The following ZNF600 variants were observed in gnomAD, a reference collection of about 807,000 sequenced individuals.
The protein encoded by ZNF600 is zinc finger protein 600, also known as zinc finger protein KR-ZNF1.
In ZNF600, 4 loss-of-function variants were observed where a neutral mutation model predicts 7.3. The ratio of observed to expected loss-of-function variants is 0.55; its 90% CI spans 0.27 to 1.25. The LOEUF is 1.25. ZNF600 is among the 50% of genes most tolerant of loss of function. The probability of loss-of-function intolerance (pLI) is 0.12; values close to 1 mark genes in which losing one functional copy is unlikely to be tolerated. For synonymous variants in ZNF600, 290 were observed against 308.9 expected, an observed-to-expected ratio of 0.94 and a Z score of 0.64; for missense variants, 911 against 922.1, an observed-to-expected ratio of 0.99 and a Z score of 0.16.
At position 52,772,266 on chromosome 19, in the gene ZNF600, C is replaced by A. The variant is rs566523974; in HGVS notation, c.190+2309G>T. Among the ~76,000 whole-genome samples, 9 of 152,124 alleles carry A rather than the reference C, an allele frequency of 5.9e-5. No individual in the cohort carries two copies. In the East Asian group the frequency reaches 1.6e-3, roughly 26 times the overall value. ...GAGGTTGCGGTGAGCTGAGATTGAA[C>A]CAATGTACTCCAGCCTGGGCAAGAA... On this transcript the variant is annotated intron_variant, in intron 3 of 3. Coordinates refer to ENST00000648973, the Ensembl canonical transcript of ZNF600.
At chr19:52,780,047 T>C (rs2062707885) in intron 1 of ZNF600, among the ~76,000 whole-genome samples, 1 of 151,994 alleles carries the variant, frequency 6.6e-6, no homozygotes, top group East Asian at 1.9e-4. Context: ...ATTGCAACCG[T>C]TTGTGCCACA....
chr19:52,807,224 G>C, the ZNF600 span, among the ~76,000 whole-genome samples: 1 of 131,936 alleles, frequency 7.6e-6, no homozygotes, highest in Admixed American at 7.8e-5. Context: ...CTTATAAAAA[G>C]AAAGGACCAT....
chr19:52,831,478 A>T, the ZNF600 span, among the ~76,000 whole-genome samples: 5 of 150,426 alleles, frequency 3.3e-5, no homozygotes, highest in South Asian at 2.1e-4. Context: ...CCTGGCTAAA[A>T]GTTTGTATTT....
At chr19:52,777,179 C>A (rs2062682828) in intron 2 of ZNF600, among the ~76,000 whole-genome samples, 1 of 151,522 alleles carries the variant, frequency 6.6e-6, no homozygotes, top group African/African-American at 2.4e-5. Flanking sequence ...AGGAGTTCGA[C>A]CAGCCTGACC....
At chr19:52,768,842 T>C (rs928525456) in intron 3 of ZNF600, among the ~76,000 whole-genome samples, 3 of 152,190 alleles carry the variant, frequency 2.0e-5, no homozygotes, top group Non-Finnish European at 2.9e-5. Context: ...ATCTAGATCA[T>C]AGACATGATT....
chr19:52,775,037 C>T (rs199773597), intron 2 of ZNF600, among the ~76,000 whole-genome samples: 68 of 152,034 alleles, frequency 4.5e-4, no homozygotes, highest in Middle Eastern at 3.4e-3. Flanking sequence ...GTCAAGAGTT[C>T]GAGACCACCC....
chr19:52,779,851 C>T (rs1439847388), intron 1 of ZNF600, among the ~76,000 whole-genome samples: 1 of 152,116 alleles, frequency 6.6e-6, no homozygotes, highest in Non-Finnish European at 1.5e-5. Context: ...CACCAGCCAG[C>T]CAACATGGTG....
At chr19:52,800,137 T>C in the ZNF600 span, 7 of 1,614,020 alleles carry the variant, frequency 4.3e-6, no homozygotes, top group Non-Finnish European at 5.9e-6. Flanking sequence ...TGAATCCTCC[T>C]ATGTCTTTCC....
intron 3 of ZNF600, among the ~76,000 whole-genome samples, chr19:52,771,779 A>G (rs1295402289): frequency 2.6e-5 from 4 of 151,922 alleles, no homozygotes; most frequent in South Asian, 2.1e-4. Flanking sequence ...CGCCCGTCCA[A>G]TTTTTTTTAA....
At chr19:52,815,400 C>A in the ZNF600 span, among the ~76,000 whole-genome samples, 87 of 145,310 alleles carry the variant, frequency 6.0e-4, 11 homozygotes, top group African/African-American at 2.2e-3. Flanking sequence ...ACCTGTAGTC[C>A]CAGCTACTCG....
the ZNF600 span, among the ~76,000 whole-genome samples, chr19:52,812,787 A>AAAAAAAAG: frequency 7.6e-6 from 1 of 130,978 alleles, no homozygotes; most frequent in African/African-American, 2.8e-5. Context: ...AAAAAAAAAA[A>AAAAAAAAG]GTTTTAAGTG....
intron 1 of ZNF600, among the ~76,000 whole-genome samples, chr19:52,784,956 T>G (rs560052175): frequency 1.6e-4 from 24 of 152,194 alleles, no homozygotes; most frequent in African/African-American, 5.8e-4. Context: ...AGGCTGGTCT[T>G]GAACTCCTAG....
the ZNF600 span, among the ~76,000 whole-genome samples, chr19:52,831,959 G>A: frequency 3.9e-5 from 6 of 152,058 alleles, no homozygotes; most frequent in Non-Finnish European, 7.4e-5. Context: ...TATTGTGATA[G>A]TTGACAACAA....
the ZNF600 span, chr19:52,810,436 T>C: frequency 4.4e-6 from 7 of 1,601,140 alleles, no homozygotes; most frequent in East Asian, 2.2e-5. Flanking sequence ...CCCAAAGGGT[T>C]TGCATATATA....
At chr19:52,810,058 TG>T in the ZNF600 span, 1 of 742,918 alleles carries the variant, frequency 1.3e-6, no homozygotes, top group Non-Finnish European at 2.4e-6. Flanking sequence ...GCCCCATGCC[TG>T]GGAGCTCCAG....
At chr19:52,828,261 A>G in the ZNF600 span, among the ~76,000 whole-genome samples, 1 of 152,040 alleles carries the variant, frequency 6.6e-6, no homozygotes, top group Non-Finnish European at 1.5e-5. Context: ...CATGTAGGCC[A>G]GGCTGGTCTC....
chr19:52,821,940 A>T, the ZNF600 span, among the ~76,000 whole-genome samples: 1 of 142,296 alleles, frequency 7.0e-6, no homozygotes, highest in East Asian at 2.0e-4. Context: ...AATAAAAAAA[A>T]AATTTGCTTG....
upstream of ZNF600, among the ~76,000 whole-genome samples, chr19:52,790,207 G>T (rs2062787806): frequency 6.6e-6 from 1 of 152,202 alleles, no homozygotes; most frequent in Admixed American, 6.5e-5. Context: ...CCTGGCCTGG[G>T]CTCAGAGGCC....
At chr19:52,775,572 A>AACAC (rs1464382711) in intron 2 of ZNF600, among the ~76,000 whole-genome samples, 1 of 152,040 alleles carries the variant, frequency 6.6e-6, no homozygotes, top group Non-Finnish European at 1.5e-5. Flanking sequence ...CAAACAAACA[A>AACAC]ACACAGGGTT....
Sources: allele counts gnomAD v4.1 joint callset (sites outside exome capture counted in the v4.1 genomes callset), GRCh38; gene constraint gnomAD v4.1.1; transcripts MANE v1.5; gene names NCBI Gene and HGNC (gene_info 2026-07-23, HGNC 2026-07-21).